Variants in PTPRJ observed in about 807,000 individuals in gnomAD.
PTPRJ encodes the protein receptor-type tyrosine-protein phosphatase eta.
In PTPRJ, 129 loss-of-function variants were observed where a neutral mutation model predicts 141.3. The observed-to-expected ratio is 0.91, with a 90% CI of 0.79 to 1.06. The LOEUF is 1.06. Ranked by LOEUF, PTPRJ falls within the 50% of genes least tolerant of loss-of-function variation. The pLI is 0.00. For missense variants in PTPRJ, 1,601 were observed against 1,679.7 expected (o/e 0.95, Z 0.82); for synonymous variants, 610 against 640.5 (o/e 0.95, Z 0.72).
chr11:48,082,823 C>T (rs1486381700), intron 1 of PTPRJ, among the ~76,000 whole-genome samples: 1 of 152,080 alleles, frequency 6.6e-6, no homozygotes, highest in Non-Finnish European at 1.5e-5. Context: ...TAACTTCTCC[C>T]AGGCTCAGTT....
At chr11:48,054,172 G>A (rs1006185407) in intron 1 of PTPRJ, among the ~76,000 whole-genome samples, 2 of 152,158 alleles carry the variant, frequency 1.3e-5, no homozygotes, top group Non-Finnish European at 2.9e-5. Flanking sequence ...GACCTCAGGT[G>A]ATTTGCCCGC....
chr11:48,118,495 G>A (rs1055563545), intron 3 of PTPRJ, among the ~76,000 whole-genome samples: 5 of 152,118 alleles, frequency 3.3e-5, no homozygotes, highest in African/African-American at 1.2e-4. Flanking sequence ...ACCTTGATAC[G>A]AAAACCAGAC....
chr11:48,133,843 G>A (rs751365493), intron 8 of PTPRJ, among the ~76,000 whole-genome samples: 5 of 152,210 alleles, frequency 3.3e-5, no homozygotes, highest in Non-Finnish European at 7.3e-5. Context: ...GCTAAGTGAA[G>A]CCAGACACAG....
intron 1 of PTPRJ, among the ~76,000 whole-genome samples, chr11:48,026,759 C>A (rs1291507378): frequency 6.6e-6 from 1 of 151,476 alleles, no homozygotes; most frequent in Non-Finnish European, 1.5e-5. Context: ...TGAGTAGGTT[C>A]TTTAGTGGTG....
rs145270766 is a variant in PTPRJ, at chr11:47,999,920, G to A, written c.96+18912G>A. Among the ~76,000 whole-genome samples the A allele has an allele frequency of 3.2e-3, 480 of 149,660 alleles. 4 individuals carry two copies. Among genetic ancestry groups the A allele is most frequent in the African/African-American group, 0.012 (461 of 39,734 alleles). ...CACCCAGGCTGGAGTGCAGTGGTGCGATCTCGGCTCACTGCAACCTCCGCC... is the reference window on the plus strand; with the variant it reads ...CACCCAGGCTGGAGTGCAGTGGTGCAATCTCGGCTCACTGCAACCTCCGCC... On this transcript the variant is annotated intron_variant, in intron 1 of 24. Transcript: ENST00000418331.
At chr11:48,031,594 G>C (rs1853986732) in intron 1 of PTPRJ, among the ~76,000 whole-genome samples, 1 of 152,202 alleles carries the variant, frequency 6.6e-6, no homozygotes, top group Admixed American at 6.5e-5. Flanking sequence ...TGGATGCAAA[G>C]GCCTGTGTGG....
Position 48,137,136 on chromosome 11 carries a change from C to A in PTPRJ, c.2007C>A (p.Asn669Lys), listed in dbSNP as rs779996552. The change falls in exon 10 of 25, where the codon AAC becomes AAA. Residue 669 changes from asparagine to lysine, a missense_variant. By Grantham distance (94) the Asn-to-Lys change is moderately conservative (BLOSUM62 0). Transcript: ENST00000418331. ...LLIEKAGNSSNATQVVTDIGI... is the reference protein window; with the variant it reads ...LLIEKAGNSSKATQVVTDIGI... ...TTGAGAAGGCTGGAAATTCCAGCAA[C>A]GCAACACAAGTAGTCACGGACATTG... 2.5e-6 allele frequency: 4 copies of A among 1,612,704 alleles called. No homozygotes were observed. In the East Asian group the frequency reaches 6.7e-5, roughly 27 times the overall value.
intron 1 of PTPRJ, among the ~76,000 whole-genome samples, chr11:48,053,659 C>T (rs1854668600): frequency 6.8e-6 from 1 of 147,504 alleles, no homozygotes; most frequent in South Asian, 2.1e-4. Context: ...TCATTGCAAC[C>T]TCTGCCTCCC....
chr11:48,020,229 T>C (rs1446436215), intron 1 of PTPRJ, among the ~76,000 whole-genome samples: 3 of 152,212 alleles, frequency 2.0e-5, no homozygotes, highest in Non-Finnish European at 2.9e-5. Flanking sequence ...GCTTTGTGGG[T>C]ACGTCTCCAC....
chr11:48,024,193 T>C (rs113054630), intron 1 of PTPRJ, among the ~76,000 whole-genome samples: 1,659 of 152,100 alleles, frequency 0.011, 36 homozygotes, highest in African/African-American at 0.038. Flanking sequence ...CTTACATTTT[T>C]TTTCTTTCTT....
intron 1 of PTPRJ, chr11:48,015,909 G>GTC (rs1854939859): frequency 6.9e-6 from 1 of 144,042 alleles, no homozygotes; most frequent in Non-Finnish European, 1.5e-5. Flanking sequence ...ACTTGCATAA[G>GTC]ATCCCCCAGC....
chr11:48,104,968 G>A (rs1191088857), intron 1 of PTPRJ, among the ~76,000 whole-genome samples: 1 of 152,134 alleles, frequency 6.6e-6, no homozygotes, highest in Non-Finnish European at 1.5e-5. Flanking sequence ...TCTGGAAAAT[G>A]GGGATAAACA....
At chr11:48,077,343 T>G (rs1855430018) in intron 1 of PTPRJ, among the ~76,000 whole-genome samples, 1 of 152,136 alleles carries the variant, frequency 6.6e-6, no homozygotes, top group African/African-American at 2.4e-5. Context: ...CACACCCAGT[T>G]CTTCTTGGAG....
intron 1 of PTPRJ, among the ~76,000 whole-genome samples, chr11:48,073,021 G>C (rs1381580649): frequency 3.3e-5 from 5 of 152,206 alleles, no homozygotes; most frequent in African/African-American, 1.2e-4. Context: ...ATTAATTTAA[G>C]TGATATATGT....
chr11:47,984,108 G>A lies in PTPRJ; in HGVS notation c.96+3100G>A, dbSNP rs531278725. Among the ~76,000 whole-genome samples, 11 of 152,320 alleles carry A rather than the reference G, an allele frequency of 7.2e-5. No homozygotes were observed. In the South Asian group the frequency reaches 2.1e-3, roughly 29 times the overall value. ...AGACAGTTTACGAAAACAGCAAATT[G>A]GTTTATGGTTAGACCGTGACTTTGA... is the stretch of plus-strand genomic sequence containing the variant. On this transcript the variant is annotated intron_variant, in intron 1 of 24. Coordinates refer to ENST00000418331, the MANE Select transcript of PTPRJ (RefSeq NM_002843.4).
chr11:48,075,124 A>ATTATTTATTTAT lies in PTPRJ; in HGVS notation c.97-34930_97-34919dup, dbSNP rs138067691. On this transcript the variant is annotated intron_variant, in intron 1 of 24. Coordinates refer to ENST00000418331, the MANE Select transcript of PTPRJ (RefSeq NM_002843.4). ...TAACAACTAGCAGTTACATGCTAGCATTATTTATTTATTTAGTTAGTTAGT... is the reference window on the plus strand; with the variant it reads ...TAACAACTAGCAGTTACATGCTAGCATTATTTATTTATTTATTTATTTATTTAGTTAGTTAGT... 6.5e-3 allele frequency among the ~76,000 whole-genome samples: 983 copies of ATTATTTATTTAT among 151,772 alleles called. 12 individuals carry two copies. The highest frequency in any genetic ancestry group is 0.022 in the African/African-American group (916 of 41,200).
intron 1 of PTPRJ, among the ~76,000 whole-genome samples, chr11:48,068,231 C>T (rs182212361): frequency 1.8e-4 from 28 of 152,304 alleles, no homozygotes; most frequent in Non-Finnish European, 3.4e-4. Context: ...TGGTATAGGT[C>T]AGGAACTGTG....
At chr11:47,991,298 G>T (rs1415545960) in intron 1 of PTPRJ, among the ~76,000 whole-genome samples, 1 of 152,044 alleles carries the variant, frequency 6.6e-6, no homozygotes, top group Non-Finnish European at 1.5e-5. Context: ...AAAACAAAAC[G>T]TAGGGCTTTC....
chr11:48,151,460 CTT>C (rs796750214), intron 18 of PTPRJ, among the ~76,000 whole-genome samples: 1 of 144,256 alleles, frequency 6.9e-6, no homozygotes, highest in Admixed American at 7.0e-5. Context: ...TGTAAAGAGC[CTT>C]TTTTTTTTAT....
Sources: gnomAD v4.1 joint callset for allele counts (sites outside exome capture counted in the v4.1 genomes callset) on GRCh38, gnomAD v4.1.1 for gene constraint, MANE v1.5 for transcripts, NCBI Gene and HGNC (gene_info 2026-07-23, HGNC 2026-07-21) for gene names.